EAF1: variants seen among roughly 807,000 people sequenced by gnomAD.
EAF1 encodes ELL-associated factor 1.
EAF1 carries 19 observed loss-of-function variants against 26.6 expected under a neutral mutation model. The observed-to-expected ratio is 0.71, with a 90% confidence interval of 0.50 to 1.05. The LOEUF is 1.05. EAF1 is among the 50% of genes least tolerant of loss of function. The pLI, the probability that EAF1 is intolerant of heterozygous loss-of-function variation, is 0.00. For synonymous variants in EAF1, 102 were observed against 120.6 expected (o/e 0.85, Z 1.01); for missense variants, 260 against 335.5 (o/e 0.78, Z 1.76).
Position 15,430,882 on chromosome 3 carries a change from G to A in EAF1, c.198+875G>A, listed in dbSNP as rs145759980. Among the ~76,000 whole-genome samples the A allele has an allele frequency of 4.6e-3, 695 of 152,274 alleles. 10 individuals are homozygous for A. Among genetic ancestry groups the A allele is most frequent in the African/African-American group, 0.016 (649 of 41,546 alleles). ...CCCCTGTCCTGGAACATAAGTTCTC[G>A]GTAGCTGGAGACAGAATGAAAAGTC... On this transcript the variant is annotated intron_variant, in intron 2 of 5. Transcript: ENST00000396842.
At position 15,440,858 on chromosome 3, in the gene EAF1, G is replaced by A. The variant is rs1028783788; in HGVS notation, c.*1703G>A. 2 of 152,616 alleles carry A rather than the reference G, an allele frequency of 1.3e-5. No homozygotes were observed. Among genetic ancestry groups the A allele is most frequent in the African/African-American group, 4.8e-5 (2 of 41,420 alleles). 9.5% of individuals were successfully genotyped at this position (152,616 alleles called of 1,614,324 possible). A position where few individuals can be genotyped will look rare whatever the true frequency, so the allele number is the denominator to read the frequency against. On this transcript the variant is annotated 3_prime_UTR_variant, in exon 6 of 6. Transcript: ENST00000396842. ...AATTCCTTGGTAATGACAGCTCAGG[G>A]AAGGTTTCACAAGGTCATGATCAGG...
intron 1 of EAF1, among the ~76,000 whole-genome samples, chr3:15,428,983 T>C (rs2061779305): frequency 6.6e-6 from 1 of 152,244 alleles, no homozygotes; most frequent in South Asian, 2.1e-4. Context: ...CATCATTTCC[T>C]GAAGAGTTTA....
At position 15,441,268 on chromosome 3, in the gene EAF1, C is replaced by G. The variant is rs6778562; in HGVS notation, c.*2113C>G. On this transcript the variant is annotated 3_prime_UTR_variant, in exon 6 of 6. Coordinates refer to ENST00000396842, the MANE Select transcript of EAF1 (RefSeq NM_033083.7). Reference sequence around the variant, plus strand: ...CTCCAGCTTTACCCACCAGAGTAAGCAATCTTTTCTTTTTAGAAATCAAGA... The same window carrying G: ...CTCCAGCTTTACCCACCAGAGTAAGGAATCTTTTCTTTTTAGAAATCAAGA... The G allele has an allele frequency of 0.55, 84,947 of 153,548 alleles. 24,866 individuals are homozygous for G. The highest frequency in any genetic ancestry group is 0.76 in the African/African-American group (31,336 of 41,432). 9.5% of individuals were successfully genotyped at this position (153,548 alleles called of 1,614,324 possible).
chr3:15,431,960 C>A, intron 2 of EAF1, 127 bp from the exon 3 acceptor site: 1 of 1,066,368 alleles, frequency 9.4e-7, no homozygotes, highest in Non-Finnish European at 1.3e-6. Flanking sequence ...AAATAGAAAT[C>A]AGTTCAACCT....
At position 15,439,366 on chromosome 3, in the gene EAF1, G is replaced by C; in HGVS notation, c.*211G>C. ...TTTTTGAACAATCTCATCTTTCAAA[G>C]TTTAAGTAGACCTGTAGAAGAGCTA... On this transcript the variant is annotated 3_prime_UTR_variant, in exon 6 of 6. Coordinates refer to ENST00000396842, the MANE Select transcript of EAF1 (RefSeq NM_033083.7). 2.1e-6 allele frequency: 1 copy of C among 472,440 alleles called. No homozygotes were observed. Among genetic ancestry groups the C allele is most frequent in the Non-Finnish European group, 3.8e-6 (1 of 266,440 alleles). The allele number at this position is 472,440 out of a possible 1,614,324, so 29.3% of individuals were successfully genotyped here.
intron 1 of EAF1, 83 bp from the exon 2 acceptor site, chr3:15,429,830 T>A: frequency 1.2e-6 from 1 of 843,668 alleles, no homozygotes; most frequent in South Asian, 1.5e-5. Flanking sequence ...TGAGTAATAA[T>A]TTTAATTCTT....
At chr3:15,429,273 A>G (rs6766319) in intron 1 of EAF1, among the ~76,000 whole-genome samples, 27,057 of 151,942 alleles carry the variant, frequency 0.18, 4,930 homozygotes, top group African/African-American at 0.47. Context: ...GCCGAGGTCG[A>G]CAGATAGCTT....
intron 2 of EAF1, among the ~76,000 whole-genome samples, chr3:15,431,656 C>T (rs1039690178): frequency 6.6e-6 from 1 of 152,174 alleles, no homozygotes; most frequent in African/African-American, 2.4e-5. Flanking sequence ...TATTCTGAGC[C>T]AACCAGGATA....
In EAF1 at chr3:15,430,034, A is replaced by G. The variant is rs200405637; in HGVS notation, c.198+27A>G. 1,121 of 1,372,176 alleles carry G rather than the reference A, an allele frequency of 8.2e-4. 3 individuals carry two copies. The highest frequency in any genetic ancestry group is 1.0e-3 in the Non-Finnish European group (1,022 of 978,994). 85.0% of individuals were successfully genotyped at this position (1,372,176 alleles called of 1,614,324 possible). ...TGAGTTTATTTCATTTTTTTTTTTA[A>G]TGTAAGATCACAATGAATCTTTGTC... On this transcript the variant is annotated intron_variant, in intron 2 of 5. Coordinates refer to ENST00000396842, the MANE Select transcript of EAF1 (RefSeq NM_033083.7).
At chr3:15,432,378 A>G (rs2061807095) in intron 3 of EAF1, among the ~76,000 whole-genome samples, 155 bp downstream of exon 3, 1 of 152,224 alleles carries the variant, frequency 6.6e-6, no homozygotes, top group African/African-American at 2.4e-5. Context: ...ATATGTGCTC[A>G]GAGTAAAATA....
Position 15,436,439 on chromosome 3 carries a change from C to T in EAF1, c.624C>T (p.Ser208=). 2.5e-6 allele frequency: 4 copies of T among 1,613,902 alleles called. No individual in the cohort carries two copies. Among genetic ancestry groups the T allele is most frequent in the Non-Finnish European group, 3.4e-6 (4 of 1,179,794 alleles). Residue 208 remains serine, a synonymous_variant, in exon 5 of 6, where the codon AGC becomes AGT. Coordinates refer to ENST00000396842, the MANE Select transcript of EAF1 (RefSeq NM_033083.7). Reference sequence around the variant, plus strand: ...GCTCTTCGGGAAGTGATGACGATAGCTCCAGCAGTGGAGGCGAGGACAATG... The same window carrying T: ...GCTCTTCGGGAAGTGATGACGATAGTTCCAGCAGTGGAGGCGAGGACAATG... The part of the protein sequence containing the change: ...SESSSGSDDD[S]SSSGGEDNGP...
intron 1 of EAF1, among the ~76,000 whole-genome samples, chr3:15,429,316 A>C (rs533566231): frequency 3.9e-4 from 59 of 152,064 alleles, no homozygotes; most frequent in African/African-American, 1.1e-3. Context: ...CCTGGGCAGC[A>C]TAGTGAGACC....
chr3:15,431,978 T>C, intron 2 of EAF1, 109 bp from the exon 3 acceptor site: 1 of 1,294,046 alleles, frequency 7.7e-7, no homozygotes, highest in South Asian at 1.7e-5. Context: ...CCTGTTCTTT[T>C]TGAATAGCTC....
rs558758268 is a variant in EAF1 at position 15,431,932 on chromosome 3, G to A, written c.199-155G>A. ...ATTATTTCTCCTTTATTTTTGCCTC[G>A]GAAACCAGAAGGAGATAAAATAGAA... On this transcript the variant is annotated intron_variant, in intron 2 of 5. Coordinates refer to ENST00000396842, the MANE Select transcript of EAF1 (RefSeq NM_033083.7). Among the ~76,000 whole-genome samples, 8 of 152,018 alleles carry A rather than the reference G, an allele frequency of 5.3e-5. No homozygotes were observed. In the East Asian group the frequency reaches 1.2e-3, roughly 22 times the overall value.
intron 3 of EAF1, 119 bp downstream of exon 3, chr3:15,432,342 T>A: frequency 7.8e-7 from 1 of 1,286,784 alleles, no homozygotes. Context: ...ATCTTAACAC[T>A]ACCTGTGCTC....
intron 1 of EAF1, 76 bp downstream of exon 1, chr3:15,427,958 C>G (rs1376790633): frequency 4.1e-6 from 5 of 1,230,144 alleles, no homozygotes; most frequent in Non-Finnish European, 4.5e-6. Flanking sequence ...TCCTTTCTTC[C>G]CTCGGCCCTT....
chr3:15,433,320 T>C (rs1396237186), intron 3 of EAF1: 2 of 152,244 alleles, frequency 1.3e-5, no homozygotes, highest in Non-Finnish European at 3.0e-5. Context: ...GAGTCCTTGC[T>C]CCTGTCCTGC....
chr3:15,432,359 A>C lies in EAF1; in HGVS notation c.335+136A>C. On this transcript the variant is annotated intron_variant, in intron 3 of 5. Transcript: ENST00000396842. The stretch of plus-strand genomic sequence containing the variant: ...CTTAACACTACCTGTGCTCAGACAA[A>C]ATATGTAAATATGTGCTCAGAGTAA... The C allele has an allele frequency of 5.0e-6, 5 of 1,009,076 alleles. No individual in the cohort carries two copies. In the East Asian group the frequency reaches 1.3e-4, roughly 27 times the overall value. The allele number at this position is 1,009,076 out of a possible 1,614,324, so 62.5% of individuals were successfully genotyped here.
At chr3:15,436,684 C>A in intron 5 of EAF1, 109 bp downstream of exon 5, 1 of 936,184 alleles carries the variant, frequency 1.1e-6, no homozygotes, top group Non-Finnish European at 1.5e-6. Context: ...GGGAGAGGAT[C>A]TTGTTAAAAA....
Sources: allele counts gnomAD v4.1 joint callset (sites outside exome capture counted in the v4.1 genomes callset), GRCh38; gene constraint gnomAD v4.1.1; transcripts MANE v1.5; gene names NCBI Gene and HGNC (gene_info 2026-07-23, HGNC 2026-07-21).